Variants in DOCK11 observed in about 807,000 individuals in gnomAD.
DOCK11 encodes dedicator of cytokinesis 11.
Under a neutral mutation model 169.1 loss-of-function variants are expected in DOCK11, and 70 were observed. That is an observed-to-expected ratio of 0.41 (90% confidence interval 0.34 to 0.51). The LOEUF (loss-of-function observed/expected upper bound fraction) is 0.51. DOCK11 is among the 20% of genes least tolerant of loss of function. The probability of loss-of-function intolerance (pLI) is 0.10; values close to 1 mark genes in which losing one functional copy is unlikely to be tolerated. For missense variants in DOCK11, 1,166 were observed against 1,538.8 expected (o/e 0.76, Z 4.05); for synonymous variants, 529 against 541.3 (o/e 0.98, Z 0.32).
At chrX:118,683,364 G>T in intron 52 of DOCK11, 147 bp downstream of exon 52, 1 of 625,513 alleles carries the variant, frequency 1.6e-6, no homozygotes, top group Non-Finnish European at 2.3e-6. Flanking sequence ...AATCATTTAA[G>T]TGATACAATA....
chrX:118,647,690 T>A (rs1388612604), intron 40 of DOCK11, among the ~76,000 whole-genome samples: 1 of 57,007 alleles, frequency 1.8e-5, no homozygotes, highest in African/African-American at 7.3e-5. Context: ...AATATTATAT[T>A]ATAATATAAT....
At chrX:118,671,502 A>G (rs185972759) in intron 46 of DOCK11, among the ~76,000 whole-genome samples, 2 of 111,727 alleles carry the variant, frequency 1.8e-5, no homozygotes, top group South Asian at 3.7e-4. Flanking sequence ...TACCCCATAA[A>G]TATGTACAGT....
chrX:118,504,838 A>G (rs2057600089), intron 1 of DOCK11, among the ~76,000 whole-genome samples: 1 of 111,510 alleles, frequency 9.0e-6, no homozygotes, highest in African/African-American at 3.3e-5. Flanking sequence ...GCAAAGAGAC[A>G]GTCTCAGTTA....
chrX:118,562,243 C>G (rs769429519), intron 7 of DOCK11, among the ~76,000 whole-genome samples: 30 of 110,510 alleles, frequency 2.7e-4, no homozygotes, highest in African/African-American at 9.8e-4. Flanking sequence ...TCCGAAACAT[C>G]TACACTAGAA....
chrX:118,534,130 A>G (rs2011672786), intron 1 of DOCK11, among the ~76,000 whole-genome samples: 1 of 111,863 alleles, frequency 8.9e-6, no homozygotes, highest in African/African-American at 3.2e-5. Flanking sequence ...GTTACTTTTG[A>G]GTCATTTAAA....
In DOCK11 at chrX:118,643,537, A is replaced by G; in HGVS notation, c.4341A>G (p.Gly1447=). ...FDIHLAFLKN[G]QSEVSLKHVF... ...TACATCTTGCTTTTCTTAAAAATGG[A>G]CAATCTGAAGTGTCGCTGAAACATG... The change falls in exon 40 of 53, where the codon GGA becomes GGG. Residue 1447 remains glycine (G), a synonymous_variant. Coordinates refer to ENST00000276202, the MANE Select transcript of DOCK11 (RefSeq NM_144658.4). The G allele has an allele frequency of 8.3e-7, 1 of 1,211,353 alleles. No homozygotes were observed. Among genetic ancestry groups the G allele is most frequent in the Non-Finnish European group, 1.1e-6 (1 of 895,131 alleles).
chrX:118,547,975 G>T (rs961598187), intron 6 of DOCK11, among the ~76,000 whole-genome samples: 1 of 111,630 alleles, frequency 9.0e-6, no homozygotes, highest in East Asian at 2.8e-4. Flanking sequence ...TTGAGCCCAG[G>T]AGTTCGAGGC....
intron 31 of DOCK11, among the ~76,000 whole-genome samples, chrX:118,620,670 A>G (rs2014949072): frequency 8.9e-6 from 1 of 112,385 alleles, no homozygotes; most frequent in South Asian, 3.6e-4. Flanking sequence ...AACTGGTATA[A>G]TATATCCAAA....
At chrX:118,579,484 T>A (rs1569421504) in intron 13 of DOCK11, among the ~76,000 whole-genome samples, 2 of 112,237 alleles carry the variant, frequency 1.8e-5, no homozygotes, top group Admixed American at 9.5e-5. Context: ...TAAATGGAAG[T>A]TGCTGATGTG....
chrX:118,581,854 G>A (rs1452842370), intron 14 of DOCK11, among the ~76,000 whole-genome samples: 29 of 97,151 alleles, frequency 3.0e-4, no homozygotes, highest in Admixed American at 2.7e-3. Flanking sequence ...GTTATTGGCC[G>A]GCCACAGTGG....
At chrX:118,587,518 A>C (rs1222252708) in intron 16 of DOCK11, among the ~76,000 whole-genome samples, 1 of 112,039 alleles carries the variant, frequency 8.9e-6, no homozygotes, top group Non-Finnish European at 1.9e-5. Flanking sequence ...AAGGACCAGC[A>C]GTCTTAGAGC....
chrX:118,536,836 C>T (rs2011772638), intron 1 of DOCK11, among the ~76,000 whole-genome samples: 1 of 111,626 alleles, frequency 9.0e-6, no homozygotes, highest in Non-Finnish European at 1.9e-5. Flanking sequence ...TTATGCTGAA[C>T]TCACTTTGTT....
chrX:118,647,928 AAAT>A (rs1459756587), intron 40 of DOCK11, among the ~76,000 whole-genome samples: 1 of 49,894 alleles, frequency 2.0e-5, no homozygotes, highest in Non-Finnish European at 3.2e-5. Context: ...TATATATAAT[AAAT>A]AATATATTTT....
At chrX:118,521,562 G>GT (rs1452195386) in intron 1 of DOCK11, among the ~76,000 whole-genome samples, 1 of 112,149 alleles carries the variant, frequency 8.9e-6, no homozygotes, top group African/African-American at 3.2e-5. Flanking sequence ...TACATTTTTA[G>GT]TTGTGCCCTG....
At chrX:118,602,330 G>A (rs1484540172) in intron 23 of DOCK11, among the ~76,000 whole-genome samples, 1 of 110,634 alleles carries the variant, frequency 9.0e-6, no homozygotes, top group Non-Finnish European at 1.9e-5. Flanking sequence ...CTAGCTCTTT[G>A]AGGCTTACAG....
chrX:118,571,102 G>T (rs2013257588), intron 10 of DOCK11, among the ~76,000 whole-genome samples: 1 of 111,120 alleles, frequency 9.0e-6, no homozygotes, highest in Non-Finnish European at 1.9e-5. Flanking sequence ...AACGTAGGTA[G>T]TCCATGGGGT....
intron 14 of DOCK11, among the ~76,000 whole-genome samples, chrX:118,584,446 TTA>T (rs1316639040): frequency 1.2e-5 from 1 of 80,658 alleles, no homozygotes; most frequent in Non-Finnish European, 2.4e-5. Context: ...TTTTTCTGGG[TTA>T]TTACTAGTTT....
chrX:118,546,210 CAAAAAAAAAA>C, intron 6 of DOCK11, 94 bp downstream of exon 6: 2 of 50,628 alleles, frequency 4.0e-5, no homozygotes. Context: ...AGAGCCCTAG[CAAAAAAAAAA>C]AAAAAAAAAA....
At chrX:118,628,077 T>C in intron 33 of DOCK11, 86 bp from the exon 34 acceptor site, 2 of 531,956 alleles carry the variant, frequency 3.8e-6, no homozygotes, top group Non-Finnish European at 6.3e-6. Flanking sequence ...CATTAATGTC[T>C]CTACTTAAAT....
Sources: allele counts gnomAD v4.1 joint callset (sites outside exome capture counted in the v4.1 genomes callset), GRCh38; gene constraint gnomAD v4.1.1; transcripts MANE v1.5; gene names NCBI Gene and HGNC (gene_info 2026-07-23, HGNC 2026-07-21).